Variants in PRKCH observed in about 807,000 individuals in gnomAD.
PRKCH encodes protein kinase C eta type.
A neutral mutation model predicts 82.5 loss-of-function variants in PRKCH; 28 were observed. That is an observed-to-expected ratio of 0.34 (90% CI 0.25 to 0.47). The LOEUF (loss-of-function observed/expected upper bound fraction) is 0.47, where lower values mean the gene tolerates loss of function less well. Among genes scored for constraint, PRKCH ranks in the 20% least tolerant of loss-of-function variants. The probability of loss-of-function intolerance (pLI) is 1.00; values close to 1 mark genes in which losing one functional copy is unlikely to be tolerated. For missense variants in PRKCH, 705 were observed against 881.8 expected (o/e 0.80, Z 2.54); for synonymous variants, 322 against 327.4 (o/e 0.98, Z 0.18).
At chr14:61,207,868 C>T (rs867888316) in intron 1 of PRKCH, among the ~76,000 whole-genome samples, 9 of 152,192 alleles carry the variant, frequency 5.9e-5, no homozygotes, top group Admixed American at 1.3e-4. Context: ...TCTTCTCACT[C>T]ATGTTTCTTC....
chr14:61,427,208 A>C (rs1170105667), intron 2 of PRKCH, among the ~76,000 whole-genome samples: 3 of 152,212 alleles, frequency 2.0e-5, no homozygotes, highest in Admixed American at 6.5e-5. Context: ...GGATTCAAAG[A>C]TCTGCTTATT....
chr14:61,219,409 G>A (rs2044638501), intron 1 of PRKCH, among the ~76,000 whole-genome samples: 1 of 152,206 alleles, frequency 6.6e-6, no homozygotes. Context: ...ACGGAGGCAA[G>A]GGGTGTCAGC....
At chr14:61,468,856 G>C (rs1885377309) in intron 9 of PRKCH, among the ~76,000 whole-genome samples, 1 of 152,164 alleles carries the variant, frequency 6.6e-6, no homozygotes. Flanking sequence ...TGTGTCTCAT[G>C]ATGACTGAAA....
At chr14:61,443,826 C>T (rs971523944) in intron 3 of PRKCH, among the ~76,000 whole-genome samples, 2 of 152,058 alleles carry the variant, frequency 1.3e-5, no homozygotes, top group Admixed American at 6.5e-5. Flanking sequence ...TCTTACTAGA[C>T]ATACAACTGA....
chr14:61,246,938 C>A lies in PRKCH; in HGVS notation c.-19+59270C>A, dbSNP rs183339058. On this transcript the variant is annotated intron_variant, in intron 1 of 3. Coordinates refer to the PRKCH transcript ENST00000555185. ...TCCAGGCCCATGAGACCCTCTTCGG[C>A]CCCCATTGTTGGCCTGCCTGTCTCC... Among the ~76,000 whole-genome samples, 70 of 152,184 alleles carry A rather than the reference C, an allele frequency of 4.6e-4. No homozygotes were observed. In the East Asian group the frequency reaches 0.013, roughly 29 times the overall value.
At chr14:61,374,907 C>A (rs1347719446) in intron 1 of PRKCH, among the ~76,000 whole-genome samples, 1 of 152,064 alleles carries the variant, frequency 6.6e-6, no homozygotes, top group Admixed American at 6.5e-5. Context: ...GAATTTCTCC[C>A]CAGAAAATGG....
chr14:61,457,471 ACTCCC>A, intron 8 of PRKCH, 30 bp from the exon 9 acceptor site: 1 of 1,606,490 alleles, frequency 6.2e-7, no homozygotes, highest in Non-Finnish European at 8.5e-7. Context: ...CCCCAAGAGG[ACTCCC>A]TCATGCTCCC....
intron 1 of PRKCH, among the ~76,000 whole-genome samples, chr14:61,227,487 G>A (rs938401217): frequency 1.1e-4 from 16 of 152,056 alleles, no homozygotes; most frequent in Admixed American, 3.9e-4. Context: ...CCAGCGACTC[G>A]GGAGGCTGAG....
chr14:61,462,833 A>T (rs569170262), intron 9 of PRKCH, among the ~76,000 whole-genome samples: 112 of 152,358 alleles, frequency 7.4e-4, no homozygotes, highest in Middle Eastern at 6.8e-3. Context: ...CACTCTCCTC[A>T]TGCAGCCCTG....
chr14:61,189,845 G>T (rs7146969), intron 1 of PRKCH, among the ~76,000 whole-genome samples: 46,430 of 151,788 alleles, frequency 0.31, 8,376 homozygotes, highest in East Asian at 0.43. Flanking sequence ...CCCAAGCCAG[G>T]TCAGTGAAAC....
At chr14:61,240,000 C>G (rs181837978) in intron 1 of PRKCH, among the ~76,000 whole-genome samples, 30 of 152,330 alleles carry the variant, frequency 2.0e-4, no homozygotes, top group Non-Finnish European at 2.2e-4. Context: ...ATGCATCCAG[C>G]AAACCAACTG....
intron 1 of PRKCH, among the ~76,000 whole-genome samples, chr14:61,251,037 A>G (rs1156297301): frequency 6.6e-6 from 1 of 152,158 alleles, no homozygotes; most frequent in Non-Finnish European, 1.5e-5. Context: ...GGGATGTTTT[A>G]TTTTTTAAAT....
chr14:61,526,140 A>C (rs1037541956), intron 10 of PRKCH, among the ~76,000 whole-genome samples: 1 of 152,240 alleles, frequency 6.6e-6, no homozygotes, highest in African/African-American at 2.4e-5. Context: ...TTGTAGGTTA[A>C]ACTGGCTGTG....
intron 1 of PRKCH, among the ~76,000 whole-genome samples, chr14:61,243,988 A>G (rs1685080871): frequency 6.6e-6 from 1 of 151,756 alleles, no homozygotes; most frequent in South Asian, 2.1e-4. Flanking sequence ...AGCTTTCTCT[A>G]TACAGGGAGC....
At chr14:61,269,830 A>G (rs1472836412) in intron 1 of PRKCH, among the ~76,000 whole-genome samples, 2 of 152,188 alleles carry the variant, frequency 1.3e-5, no homozygotes, top group African/African-American at 4.8e-5. Flanking sequence ...GAGAAATTGT[A>G]CGCTGCGTTC....
chr14:61,457,866 A>T (rs1884850799), intron 9 of PRKCH, among the ~76,000 whole-genome samples, 187 bp downstream of exon 9: 1 of 152,122 alleles, frequency 6.6e-6, no homozygotes, highest in South Asian at 2.1e-4. Flanking sequence ...TTATGAATTC[A>T]CCCCTTCCCC....
intron 2 of PRKCH, among the ~76,000 whole-genome samples, chr14:61,416,309 C>A (rs1400236816): frequency 6.6e-6 from 1 of 152,096 alleles, no homozygotes; most frequent in African/African-American, 2.4e-5. Flanking sequence ...CTGGCCTCTG[C>A]CTCCCAAAGT....
At chr14:61,407,291 A>C (rs1363599175) in intron 2 of PRKCH, among the ~76,000 whole-genome samples, 2 of 152,204 alleles carry the variant, frequency 1.3e-5, no homozygotes, top group African/African-American at 4.8e-5. Flanking sequence ...TTTATTATTA[A>C]GTCTAAATAC....
intron 2 of PRKCH, among the ~76,000 whole-genome samples, chr14:61,439,243 G>T (rs1322332759): frequency 6.6e-6 from 1 of 152,200 alleles, no homozygotes; most frequent in African/African-American, 2.4e-5. Flanking sequence ...CAATGAGGAA[G>T]TTCCCTCTGC....
Sources: gnomAD v4.1 joint callset for allele counts (sites outside exome capture counted in the v4.1 genomes callset) on GRCh38, gnomAD v4.1.1 for gene constraint, MANE v1.5 for transcripts, NCBI Gene and HGNC (gene_info 2026-07-23, HGNC 2026-07-21) for gene names.